Variants in CNTN3 observed in about 807,000 individuals in gnomAD.
CNTN3 encodes contactin 3, also known as contactin-3.
Under a neutral mutation model 119.1 loss-of-function variants are expected in CNTN3, and 60 were observed. The ratio of observed to expected loss-of-function variants is 0.50; its 90% CI spans 0.41 to 0.62. CNTN3 has a LOEUF of 0.62. Among genes scored for constraint, CNTN3 ranks in the 20% least tolerant of loss-of-function variants. CNTN3 has a pLI of 0.00. For missense variants in CNTN3, 1,101 were observed against 1,242.4 expected (o/e 0.89, Z 1.71); for synonymous variants, 450 against 438.7 (o/e 1.03, Z -0.32).
At chr3:74,582,257 T>G (rs964798591) in intron 1 of CNTN3, among the ~76,000 whole-genome samples, 5 of 151,898 alleles carry the variant, frequency 3.3e-5, no homozygotes, top group Non-Finnish European at 5.9e-5. Flanking sequence ...ATACAAAAAA[T>G]TAGCTGGGTA....
intron 4 of CNTN3, among the ~76,000 whole-genome samples, chr3:74,437,446 C>A (rs755400421): frequency 3.3e-5 from 5 of 151,792 alleles, no homozygotes; most frequent in South Asian, 2.1e-4. Context: ...TGGGTGACAG[C>A]GCGAGACTCT....
chr3:74,431,764 T>C (rs539378135), intron 4 of CNTN3, among the ~76,000 whole-genome samples: 2 of 152,148 alleles, frequency 1.3e-5, no homozygotes, highest in Non-Finnish European at 2.9e-5. Context: ...ATAGTGGCAA[T>C]ATATCTGAAA....
At chr3:74,606,750 C>T (rs952747086) in intron 1 of CNTN3, among the ~76,000 whole-genome samples, 16 of 152,176 alleles carry the variant, frequency 1.1e-4, no homozygotes, top group East Asian at 1.9e-4. Flanking sequence ...ACACCCTTCA[C>T]TTGTAAGTAT....
Position 74,277,182 on chromosome 3 carries a change from C to T in CNTN3, c.2704+8123G>A, listed in dbSNP as rs555816876. On this transcript the variant is annotated intron_variant, in intron 20 of 22. Transcript: ENST00000263665. ...AAAAGTTCAGGAGCAGAAGGATTCA[C>T]AGCAGAATTCTACCAGACCATTGGA... Among the ~76,000 whole-genome samples, 3 of 152,114 alleles carry T rather than the reference C, an allele frequency of 2.0e-5. No homozygotes were observed. In the South Asian group the frequency reaches 6.2e-4, roughly 32 times the overall value.
At chr3:74,331,326 G>A (rs1164923800) in intron 13 of CNTN3, among the ~76,000 whole-genome samples, 2 of 152,164 alleles carry the variant, frequency 1.3e-5, no homozygotes, top group East Asian at 3.9e-4. Context: ...GGCATGTTGT[G>A]CAAGTTTGCA....
In CNTN3 at chr3:74,516,204, C is replaced by CTCCTCT. The variant is rs1559642101; in HGVS notation, c.55+4853_55+4854insAGAGGA. ...CTCACTGTGCCATCTACAACATGGG[C>CTCCTCT]AGGCCTGGAATGCACACAGATATGC... On this transcript the variant is annotated intron_variant, in intron 2 of 22. Coordinates refer to ENST00000263665, the MANE Select transcript of CNTN3 (RefSeq NM_020872.3). 1.6e-3 allele frequency among the ~76,000 whole-genome samples: 243 copies of CTCCTCT among 150,616 alleles called. 6 individuals carry two copies. The highest frequency in any genetic ancestry group is 6.8e-3 in the Middle Eastern group (2 of 292).
intron 2 of CNTN3, among the ~76,000 whole-genome samples, chr3:74,506,092 C>G (rs1206881819): frequency 1.3e-5 from 2 of 152,152 alleles, no homozygotes; most frequent in Non-Finnish European, 2.9e-5. Flanking sequence ...CATTCATCCT[C>G]TAATTGCAAC....
chr3:74,453,947 G>A (rs932640996), intron 4 of CNTN3, among the ~76,000 whole-genome samples: 3 of 151,786 alleles, frequency 2.0e-5, no homozygotes, highest in African/African-American at 4.8e-5. Flanking sequence ...GGTCAATTTT[G>A]GAATAGGTGT....
At chr3:74,595,564 T>C (rs566165561) in intron 1 of CNTN3, among the ~76,000 whole-genome samples, 26 of 152,226 alleles carry the variant, frequency 1.7e-4, no homozygotes, top group Admixed American at 4.6e-4. Flanking sequence ...TAATCCAGCA[T>C]ATAAACAGAA....
chr3:74,434,306 T>C (rs988196146), intron 4 of CNTN3, among the ~76,000 whole-genome samples: 1 of 152,210 alleles, frequency 6.6e-6, no homozygotes, highest in Admixed American at 6.5e-5. Flanking sequence ...TTTTGAAAAA[T>C]GAAAACAATT....
At chr3:74,440,670 TA>T (rs1701948553) in intron 4 of CNTN3, among the ~76,000 whole-genome samples, 1 of 152,124 alleles carries the variant, frequency 6.6e-6, no homozygotes, top group Non-Finnish European at 1.5e-5. Context: ...TATTTTTTTT[TA>T]CTTTAAGTAC....
chr3:74,599,722 A>C (rs548294800), intron 1 of CNTN3, among the ~76,000 whole-genome samples: 2 of 152,098 alleles, frequency 1.3e-5, no homozygotes, highest in African/African-American at 4.8e-5. Flanking sequence ...ACTGAATGTG[A>C]AATGTTCATA....
chr3:74,299,216 G>GA (rs1171726303), intron 17 of CNTN3, among the ~76,000 whole-genome samples: 4 of 151,970 alleles, frequency 2.6e-5, no homozygotes, highest in South Asian at 2.1e-4. Context: ...AAAAAAAAAG[G>GA]AAAAAAATAT....
intron 20 of CNTN3, among the ~76,000 whole-genome samples, chr3:74,282,011 C>A: frequency 6.6e-6 from 1 of 152,160 alleles, no homozygotes. Context: ...CTCAATGTTT[C>A]TTTTTAGAAA....
chr3:74,396,746 G>GAAAAA (rs61397069), intron 5 of CNTN3, among the ~76,000 whole-genome samples: 3 of 98,764 alleles, frequency 3.0e-5, no homozygotes, highest in African/African-American at 4.1e-5. Context: ...TTCCGCCTCA[G>GAAAAA]AAAAAAAAAA....
rs1424308683 is a variant in CNTN3 at position 74,334,861 on chromosome 3, A to G, written c.1542T>C (p.Gly514=). 9 of 1,613,522 alleles carry G rather than the reference A, an allele frequency of 5.6e-6. No homozygotes were observed. Among genetic ancestry groups the G allele is most frequent in the Non-Finnish European group, 7.6e-6 (9 of 1,179,704 alleles). ...LAPSNMDVSV[G]ESVILPCQVQ... The stretch of plus-strand genomic sequence containing the variant: ...CCTGGCAGGGCAATATGACGCTTTC[A>G]CCAACAGAAACATCCATGTTAGATG... The change falls in exon 13 of 23, where the codon GGT becomes GGC. Residue 514 remains glycine, a synonymous_variant. Transcript: ENST00000263665.
At chr3:74,581,284 C>T (rs915989258) in intron 1 of CNTN3, among the ~76,000 whole-genome samples, 1 of 151,888 alleles carries the variant, frequency 6.6e-6, no homozygotes, top group African/African-American at 2.4e-5. Context: ...AACAATGCTG[C>T]AGAATACAAT....
intron 1 of CNTN3, among the ~76,000 whole-genome samples, chr3:74,599,354 T>A (rs55872865): frequency 0.12 from 18,702 of 151,908 alleles, 1,308 homozygotes; most frequent in East Asian, 0.24. Context: ...TTCAAGAGAG[T>A]GCCATTTAAT....
At chr3:74,486,368 T>C in intron 4 of CNTN3, 88 bp downstream of exon 4, 1 of 1,159,000 alleles carries the variant, frequency 8.6e-7, no homozygotes, top group Non-Finnish European at 1.2e-6. Context: ...AAAACCCATG[T>C]ATTATTTCTG....
Sources: gnomAD v4.1 joint callset for allele counts (sites outside exome capture counted in the v4.1 genomes callset) on GRCh38, gnomAD v4.1.1 for gene constraint, MANE v1.5 for transcripts, NCBI Gene and HGNC (gene_info 2026-07-23, HGNC 2026-07-21) for gene names.